Variants in ZNG1E observed in about 807,000 individuals in gnomAD.
The protein encoded by ZNG1E is Zn regulated GTPase metalloprotein activator 1E.
the ZNG1E span, among the ~76,000 whole-genome samples, chr9:65,674,057 ATTGTGTT>A: frequency 6.6e-6 from 1 of 151,832 alleles, no homozygotes; most frequent in Non-Finnish European, 1.5e-5. Flanking sequence ...CTTATGAACC[ATTGTGTT>A]TAGGGTGTAA....
the ZNG1E span, among the ~76,000 whole-genome samples, chr9:65,676,561 G>A: frequency 2.7e-5 from 4 of 149,230 alleles, no homozygotes; most frequent in African/African-American, 1.0e-4. Context: ...GACACGTGGG[G>A]CTTTCGTCAG....
At chr9:65,677,435 C>T in the ZNG1E span, among the ~76,000 whole-genome samples, 3 of 152,214 alleles carry the variant, frequency 2.0e-5, no homozygotes, top group African/African-American at 7.2e-5. Flanking sequence ...CTCCTCCTTC[C>T]CCCTTTGTCC....
the ZNG1E span, among the ~76,000 whole-genome samples, chr9:65,710,493 AC>A: frequency 1.3e-5 from 2 of 151,734 alleles, no homozygotes; most frequent in Non-Finnish European, 2.9e-5. Context: ...TTTAGGTCAA[AC>A]GTTTAAGTCT....
At chr9:65,674,143 G>A in the ZNG1E span, among the ~76,000 whole-genome samples, 38 of 146,496 alleles carry the variant, frequency 2.6e-4, no homozygotes, top group African/African-American at 8.9e-4. Context: ...GAACCATCAC[G>A]CCTAAGGTAT....
the ZNG1E span, among the ~76,000 whole-genome samples, chr9:65,717,641 A>G: frequency 6.7e-6 from 1 of 149,410 alleles, no homozygotes; most frequent in Non-Finnish European, 1.5e-5. Context: ...AAATGTGTTT[A>G]CAAGGGGAAC....
At chr9:65,680,714 A>G in the ZNG1E span, among the ~76,000 whole-genome samples, 1 of 152,272 alleles carries the variant, frequency 6.6e-6, no homozygotes, top group Non-Finnish European at 1.5e-5. Flanking sequence ...TCTTATAGAT[A>G]ACAAGCATTT....
chr9:65,706,975 T>A, the ZNG1E span: 3 of 128,450 alleles, frequency 2.3e-5, no homozygotes, highest in African/African-American at 1.0e-4. Context: ...TCATTTGGTT[T>A]ATTTTTATTT....
chr9:65,727,306 A>G, the ZNG1E span, among the ~76,000 whole-genome samples: 1 of 149,234 alleles, frequency 6.7e-6, no homozygotes, highest in African/African-American at 2.5e-5. Flanking sequence ...CAGGACCTAT[A>G]AAACAAAAGT....
chr9:65,706,470 T>C, the ZNG1E span: 1 of 94,168 alleles, frequency 1.1e-5, no homozygotes, highest in Admixed American at 1.1e-4. Flanking sequence ...TTTCTTTTTT[T>C]TTTTTTTCTT....
At chr9:65,660,851 AT>A in the ZNG1E span, among the ~76,000 whole-genome samples, 20,703 of 132,554 alleles carry the variant, frequency 0.16, 153 homozygotes, top group African/African-American at 0.26. Flanking sequence ...ATATATATAT[AT>A]ATAAAATAAA....
the ZNG1E span, among the ~76,000 whole-genome samples, chr9:65,711,800 T>A: frequency 2.8e-4 from 34 of 121,014 alleles, no homozygotes; most frequent in East Asian, 9.8e-4. Flanking sequence ...ATCAAGGATA[T>A]TGGTCTAAAA....
the ZNG1E span, among the ~76,000 whole-genome samples, chr9:65,673,659 G>A: frequency 1.2e-3 from 184 of 152,034 alleles, no homozygotes; most frequent in African/African-American, 3.9e-3. Flanking sequence ...AGAAAAATTA[G>A]CCAGATGTAA....
the ZNG1E span, among the ~76,000 whole-genome samples, chr9:65,727,292 A>G: frequency 6.7e-6 from 1 of 149,136 alleles, no homozygotes; most frequent in Non-Finnish European, 1.5e-5. Context: ...AAGCATAAAT[A>G]TCACAGGACC....
chr9:65,687,492 ACT>A, the ZNG1E span, among the ~76,000 whole-genome samples: 2 of 152,268 alleles, frequency 1.3e-5, no homozygotes, highest in African/African-American at 4.8e-5. Context: ...TATCAGTCAC[ACT>A]TTTTTCCCCC....
chr9:65,699,083 A>ATTTTTTTTT, the ZNG1E span, among the ~76,000 whole-genome samples: 2 of 147,192 alleles, frequency 1.4e-5, no homozygotes, highest in Admixed American at 1.4e-4. Context: ...TATTTATTTT[A>ATTTTTTTTT]TTTTATTTTA....
At chr9:65,714,549 C>T in the ZNG1E span, among the ~76,000 whole-genome samples, 5 of 151,888 alleles carry the variant, frequency 3.3e-5, no homozygotes, top group Non-Finnish European at 4.4e-5. Context: ...TGGTGATGTA[C>T]AGATGGGTTT....
At chr9:65,684,582 A>G in the ZNG1E span, among the ~76,000 whole-genome samples, 317 of 151,374 alleles carry the variant, frequency 2.1e-3, no homozygotes, top group African/African-American at 7.1e-3. Flanking sequence ...TCATACACAC[A>G]CACACAAGTA....
chr9:65,681,390 A>G, the ZNG1E span, among the ~76,000 whole-genome samples: 1 of 152,254 alleles, frequency 6.6e-6, no homozygotes, highest in Non-Finnish European at 1.5e-5. Flanking sequence ...GTCATCTTAA[A>G]TAAAAGCTAA....
chr9:65,704,808 G>T, the ZNG1E span: 1 of 81,848 alleles, frequency 1.2e-5, no homozygotes, highest in East Asian at 2.9e-4. Context: ...CTACTCAGGA[G>T]GCTGAGGCAG....
Sources: gnomAD v4.1 joint callset for allele counts (sites outside exome capture counted in the v4.1 genomes callset) on GRCh38, gnomAD v4.1.1 for gene constraint, MANE v1.5 for transcripts, NCBI Gene and HGNC (gene_info 2026-07-23, HGNC 2026-07-21) for gene names.